ITGA8: variants seen among roughly 807,000 people sequenced by gnomAD.
The protein encoded by ITGA8 is integrin alpha-8.
In ITGA8, 91 loss-of-function variants were observed where a neutral mutation model predicts 142.3. The observed-to-expected ratio is 0.64, with a 90% CI of 0.54 to 0.76. ITGA8 has a LOEUF of 0.76. Among genes scored for constraint, ITGA8 ranks in the 30% least tolerant of loss-of-function variants. ITGA8 has a pLI of 0.00. For missense variants in ITGA8, 1,406 were observed against 1,327.7 expected, an observed-to-expected ratio of 1.06 and a Z score of -0.92; for synonymous variants, 505 against 485.2, an observed-to-expected ratio of 1.04 and a Z score of -0.54.
chr10:15,624,077 C>T (rs997094100), intron 13 of ITGA8, among the ~76,000 whole-genome samples: 12 of 149,890 alleles, frequency 8.0e-5, no homozygotes, highest in Non-Finnish European at 4.5e-5. Flanking sequence ...TTCATCCATC[C>T]CTGGCTTAGG....
At chr10:15,667,032 T>A (rs1380607154) in intron 8 of ITGA8, among the ~76,000 whole-genome samples, 1 of 152,212 alleles carries the variant, frequency 6.6e-6, no homozygotes, top group East Asian at 1.9e-4. Context: ...GCTGGCCTCA[T>A]AAAATGAGTT....
chr10:15,693,345 T>C (rs1291337839), intron 2 of ITGA8, among the ~76,000 whole-genome samples: 1 of 152,218 alleles, frequency 6.6e-6, no homozygotes, highest in Non-Finnish European at 1.5e-5. Context: ...AAACATGTAA[T>C]TAAACTTTCA....
At chr10:15,559,190 G>A (rs1289093629) in intron 25 of ITGA8, among the ~76,000 whole-genome samples, 1 of 152,208 alleles carries the variant, frequency 6.6e-6, no homozygotes, top group African/African-American at 2.4e-5. Flanking sequence ...CCCTAGCATG[G>A]CACACACAGG....
intron 23 of ITGA8, among the ~76,000 whole-genome samples, chr10:15,583,359 T>C (rs1259393211): frequency 6.6e-6 from 1 of 151,894 alleles, no homozygotes; most frequent in Non-Finnish European, 1.5e-5. Context: ...CAGCGGGGCC[T>C]ACTGGGGGAT....
rs867511770 is a variant in ITGA8 at position 15,575,277 on chromosome 10, C to T, written c.2478+212G>A. On this transcript the variant is annotated intron_variant, in intron 24 of 29. Transcript: ENST00000378076. ...TGGTGGTGTGTACCTGTAGTCCCAGCTACTCAGGAAGCTGAGATGGGAGGA... is the reference window on the plus strand; with the variant it reads ...TGGTGGTGTGTACCTGTAGTCCCAGTTACTCAGGAAGCTGAGATGGGAGGA... Among the ~76,000 whole-genome samples, 5 of 152,218 alleles carry T rather than the reference C, an allele frequency of 3.3e-5. 1 individual carries two copies. The highest frequency in any genetic ancestry group is 2.0e-4 in the Admixed American group (3 of 15,292).
chr10:15,662,216 G>A (rs943870235), intron 8 of ITGA8, among the ~76,000 whole-genome samples: 1 of 151,862 alleles, frequency 6.6e-6, no homozygotes, highest in Non-Finnish European at 1.5e-5. Context: ...TAATTGCTTG[G>A]GGTCTAAGGC....
At chr10:15,698,982 TG>T (rs1281908186) in intron 2 of ITGA8, among the ~76,000 whole-genome samples, 9 of 152,320 alleles carry the variant, frequency 5.9e-5, no homozygotes, top group Admixed American at 5.9e-4. Flanking sequence ...ATAAAGTCTT[TG>T]CCTAAGAAAA....
intron 27 of ITGA8, among the ~76,000 whole-genome samples, chr10:15,534,321 AT>A (rs1354854792): frequency 1.3e-5 from 2 of 152,096 alleles, no homozygotes; most frequent in African/African-American, 2.4e-5. Flanking sequence ...TATCTGACAT[AT>A]TTTTTGGAAG....
intron 21 of ITGA8, among the ~76,000 whole-genome samples, chr10:15,595,034 C>G (rs895806399): frequency 2.0e-5 from 3 of 151,988 alleles, no homozygotes; most frequent in African/African-American, 7.2e-5. Flanking sequence ...TTGACCCCAC[C>G]GTTTAAAAAA....
At chr10:15,622,007 A>G (rs1833499625) in intron 13 of ITGA8, among the ~76,000 whole-genome samples, 3 of 152,042 alleles carry the variant, frequency 2.0e-5, no homozygotes, top group African/African-American at 7.2e-5. Flanking sequence ...AAAATACAGA[A>G]ATTAGCCAGG....
At chr10:15,657,207 T>C (rs1453392832) in intron 10 of ITGA8, among the ~76,000 whole-genome samples, 1 of 152,118 alleles carries the variant, frequency 6.6e-6, no homozygotes, top group Non-Finnish European at 1.5e-5. Flanking sequence ...AATTTAGCAA[T>C]GTTTAAAAAG....
chr10:15,654,297 C>A (rs943547896), intron 11 of ITGA8, among the ~76,000 whole-genome samples: 2 of 152,166 alleles, frequency 1.3e-5, no homozygotes, highest in African/African-American at 4.8e-5. Context: ...ATCTAACATA[C>A]TCTTTACTCA....
intron 27 of ITGA8, among the ~76,000 whole-genome samples, chr10:15,541,046 C>T (rs1292542351): frequency 6.6e-6 from 1 of 152,190 alleles, no homozygotes; most frequent in Non-Finnish European, 1.5e-5. Flanking sequence ...CCTTAAGTTG[C>T]ATATAATTGA....
chr10:15,705,588 A>T (rs1835242723), intron 2 of ITGA8, among the ~76,000 whole-genome samples: 1 of 152,156 alleles, frequency 6.6e-6, no homozygotes, highest in Admixed American at 6.5e-5. Context: ...ATTAGACTAT[A>T]ATCAAGCTAT....
At chr10:15,706,651 A>G (rs1426660531) in intron 2 of ITGA8, among the ~76,000 whole-genome samples, 1 of 152,026 alleles carries the variant, frequency 6.6e-6, no homozygotes, top group Non-Finnish European at 1.5e-5. Context: ...CATTGCCCAG[A>G]CTGGTCTCAA....
chr10:15,644,181 T>C lies in ITGA8; in HGVS notation c.1248A>G (p.Arg416=), dbSNP rs1833923488. The change falls in exon 13 of 30, where the codon AGA becomes AGG. Residue 416 remains arginine, a synonymous_variant. Transcript: ENST00000378076. ...TCCCATTATAAATGAGCACTTTGCC[T>C]CTTTGATCCTTGCCTGCAAAAGGCA... ...IGVPFAGKDQ[R]GKVLIYNGNK... is the part of the protein sequence containing the mutation. The C allele has an allele frequency of 1.9e-6, 3 of 1,613,974 alleles. No homozygotes were observed. Among genetic ancestry groups the C allele is most frequent in the Non-Finnish European group, 2.5e-6 (3 of 1,179,942 alleles).
intron 20 of ITGA8, among the ~76,000 whole-genome samples, chr10:15,601,087 A>G (rs1207329176): frequency 1.3e-5 from 2 of 152,066 alleles, no homozygotes; most frequent in Non-Finnish European, 1.5e-5. Flanking sequence ...AAAAATACTA[A>G]AATTAGTCAG....
chr10:15,630,754 G>T (rs1397995626), intron 13 of ITGA8, among the ~76,000 whole-genome samples: 2 of 151,644 alleles, frequency 1.3e-5, no homozygotes, highest in Non-Finnish European at 1.5e-5. Context: ...AGGGAGGGAA[G>T]AAATAATATG....
intron 13 of ITGA8, among the ~76,000 whole-genome samples, chr10:15,625,875 A>G (rs934996968): frequency 6.6e-6 from 1 of 152,228 alleles, no homozygotes; most frequent in Admixed American, 6.5e-5. Context: ...TTTCTAGCAA[A>G]GAGCAGCCTA....
Sources: allele counts gnomAD v4.1 joint callset (sites outside exome capture counted in the v4.1 genomes callset), GRCh38; gene constraint gnomAD v4.1.1; transcripts MANE v1.5; gene names NCBI Gene and HGNC (gene_info 2026-07-23, HGNC 2026-07-21).